ARMC9: variants seen among roughly 807,000 people sequenced by gnomAD.
ARMC9 encodes lisH domain-containing protein ARMC9.
A neutral mutation model predicts 107.0 loss-of-function variants in ARMC9; 94 were observed. The ratio of observed to expected loss-of-function variants is 0.88; its 90% CI spans 0.74 to 1.04. ARMC9 has a LOEUF of 1.04. Among genes scored for constraint, ARMC9 ranks in the 50% least tolerant of loss-of-function variants. ARMC9 has a pLI of 0.00. For synonymous variants in ARMC9, 380 were observed against 396.9 expected (o/e 0.96, Z 0.51); for missense variants, 942 against 1,030.1 (o/e 0.91, Z 1.17).
intron 9 of ARMC9, among the ~76,000 whole-genome samples, chr2:231,251,658 C>T (rs1396526906): frequency 6.6e-6 from 1 of 152,216 alleles, no homozygotes; most frequent in Non-Finnish European, 1.5e-5. Flanking sequence ...AGAGACCTGG[C>T]TGATGGGGGC....
intron 20 of ARMC9, among the ~76,000 whole-genome samples, chr2:231,336,414 A>C (rs2044092579): frequency 6.6e-6 from 1 of 152,104 alleles, no homozygotes; most frequent in Non-Finnish European, 1.5e-5. Flanking sequence ...AGAAAGGCTG[A>C]GTCGCTTCCA....
rs538295029 is a variant in ARMC9, at chr2:231,215,188, A to G, written c.348+187A>G. 5.5e-4 allele frequency: 323 copies of G among 582,664 alleles called. 3 individuals are homozygous for G. In the South Asian group the frequency reaches 9.1e-3, roughly 16 times the overall value. 36.1% of individuals were successfully genotyped at this position (582,664 alleles called of 1,614,324 possible). A position where few individuals can be genotyped will look rare whatever the true frequency, so the allele number is the denominator to read the frequency against. On this transcript the variant is annotated intron_variant, in intron 4 of 24. Coordinates refer to ENST00000611582, the MANE Select transcript of ARMC9 (RefSeq NM_001352754.2). Reference sequence around the variant, plus strand: ...CCCAGCAGTTTATATTCTAATTTCTATGGAGATTTAATAATTTCTGTAATC... The same window carrying G: ...CCCAGCAGTTTATATTCTAATTTCTGTGGAGATTTAATAATTTCTGTAATC...
chr2:231,288,766 C>T, intron 17 of ARMC9: 1 of 469,922 alleles, frequency 2.1e-6, no homozygotes, highest in Non-Finnish European at 4.4e-6. Context: ...AGGGGCTACG[C>T]ACCGTGGTTT....
At chr2:231,284,499 G>A (rs1358971270) in intron 17 of ARMC9, among the ~76,000 whole-genome samples, 1 of 152,218 alleles carries the variant, frequency 6.6e-6, no homozygotes, top group Non-Finnish European at 1.5e-5. Flanking sequence ...GTCAGCAGGA[G>A]GCCTCAGTTT....
At chr2:231,335,447 C>T (rs1268683502) in intron 20 of ARMC9, among the ~76,000 whole-genome samples, 2 of 152,156 alleles carry the variant, frequency 1.3e-5, no homozygotes, top group African/African-American at 4.8e-5. Flanking sequence ...GGACCAGTAG[C>T]CCACCTGTTC....
At chr2:231,223,949 A>T (rs1413077767) in intron 6 of ARMC9, among the ~76,000 whole-genome samples, 1 of 152,026 alleles carries the variant, frequency 6.6e-6, no homozygotes, top group Admixed American at 6.6e-5. Context: ...ACTTATAATT[A>T]TTTGAATACG....
At chr2:231,293,455 A>C (rs776338685) in intron 18 of ARMC9, among the ~76,000 whole-genome samples, 3 of 152,140 alleles carry the variant, frequency 2.0e-5, no homozygotes, top group Non-Finnish European at 4.4e-5. Context: ...GTCCACTGAG[A>C]TACATCTGTC....
intron 9 of ARMC9, among the ~76,000 whole-genome samples, chr2:231,251,775 C>T (rs1160056740): frequency 6.6e-6 from 1 of 152,064 alleles, no homozygotes; most frequent in Non-Finnish European, 1.5e-5. Context: ...ACCAAGGCTG[C>T]ACCGCAGTGG....
At chr2:231,245,228 A>G (rs1392582793) in intron 9 of ARMC9, among the ~76,000 whole-genome samples, 1 of 152,196 alleles carries the variant, frequency 6.6e-6, no homozygotes, top group Non-Finnish European at 1.5e-5. Flanking sequence ...TTGCTGGGAT[A>G]TGGGAGAAAT....
rs1456615254 is a variant in ARMC9 at position 231,337,480 on chromosome 2, T to A, written c.1878+5583T>A. ...CCCGGCTAATTTTTGTTTTTTTTTT[T>A]TTTTTTTGAGACAGAGTCTCGCTCT... On this transcript the variant is annotated intron_variant, in intron 20 of 24. Coordinates refer to ENST00000611582, the MANE Select transcript of ARMC9 (RefSeq NM_001352754.2). Among the ~76,000 whole-genome samples, 1,221 of 125,866 alleles carry A rather than the reference T, an allele frequency of 9.7e-3. 38 individuals carry two copies. The highest frequency in any genetic ancestry group is 0.013 in the African/African-American group (378 of 30,118). 82.6% of individuals were successfully genotyped at this position (125,866 alleles called of 152,430 possible).
intron 20 of ARMC9, among the ~76,000 whole-genome samples, chr2:231,338,153 C>T (rs1050088821): frequency 5.9e-5 from 9 of 151,794 alleles, no homozygotes; most frequent in African/African-American, 2.2e-4. Context: ...TAATGGAATG[C>T]AAAATTAGGT....
At chr2:231,203,570 G>A (rs2031441992) in intron 1 of ARMC9, among the ~76,000 whole-genome samples, 1 of 152,202 alleles carries the variant, frequency 6.6e-6, no homozygotes, top group Admixed American at 6.5e-5. Context: ...GGGCGTGGTG[G>A]CTCACCCCTG....
intron 12 of ARMC9, among the ~76,000 whole-genome samples, chr2:231,270,251 G>C (rs946204033): frequency 6.6e-6 from 1 of 152,082 alleles, no homozygotes; most frequent in Non-Finnish European, 1.5e-5. Context: ...TAGAACCCCG[G>C]CAAGCCTTGC....
At chr2:231,287,162 G>C (rs1038100881) in intron 17 of ARMC9, among the ~76,000 whole-genome samples, 2 of 152,314 alleles carry the variant, frequency 1.3e-5, no homozygotes, top group East Asian at 3.9e-4. Context: ...GCACACCATG[G>C]GGCTGCTCTG....
At chr2:231,303,010 A>T (rs1391590665) in intron 19 of ARMC9, among the ~76,000 whole-genome samples, 1 of 152,260 alleles carries the variant, frequency 6.6e-6, no homozygotes, top group Non-Finnish European at 1.5e-5. Flanking sequence ...TCTCAAAAAA[A>T]TAAATAAATA....
At chr2:231,212,136 C>T (rs549829133) in intron 3 of ARMC9, among the ~76,000 whole-genome samples, 24 of 152,292 alleles carry the variant, frequency 1.6e-4, no homozygotes, top group Middle Eastern at 3.4e-3. Context: ...AGTAGTGTTA[C>T]GTATGTTTAC....
At chr2:231,300,844 C>T (rs1410031983) in intron 19 of ARMC9, among the ~76,000 whole-genome samples, 2 of 152,094 alleles carry the variant, frequency 1.3e-5, no homozygotes, top group Admixed American at 6.5e-5. Flanking sequence ...CCAAGTACTC[C>T]AGGAATACTG....
chr2:231,211,017 T>C (rs2125314220), intron 3 of ARMC9, among the ~76,000 whole-genome samples: 1 of 152,314 alleles, frequency 6.6e-6, no homozygotes, highest in Middle Eastern at 3.4e-3. Flanking sequence ...CGTCTTTCTG[T>C]AATTGGCTTA....
At chr2:231,366,581 G>A (rs187131934) in intron 23 of ARMC9, among the ~76,000 whole-genome samples, 9 of 152,082 alleles carry the variant, frequency 5.9e-5, no homozygotes, top group African/African-American at 1.7e-4. Context: ...GGTGGCTCAC[G>A]CCTGTAATCC....
Sources: gnomAD v4.1 joint callset for allele counts (sites outside exome capture counted in the v4.1 genomes callset) on GRCh38, gnomAD v4.1.1 for gene constraint, MANE v1.5 for transcripts, NCBI Gene and HGNC (gene_info 2026-07-23, HGNC 2026-07-21) for gene names.